The following ST8SIA1 variants were observed in gnomAD, a reference collection of about 807,000 sequenced individuals.
ST8SIA1 encodes the protein alpha-N-acetylneuraminide alpha-2,8-sialyltransferase.
In ST8SIA1, 16 loss-of-function variants were observed where a neutral mutation model predicts 35.9. The observed-to-expected ratio is 0.45, with a 90% CI of 0.30 to 0.68. The LOEUF (loss-of-function observed/expected upper bound fraction) is 0.68, where lower values mean the gene tolerates loss of function less well. ST8SIA1 is among the 30% of genes least tolerant of loss of function. ST8SIA1 has a pLI of 0.09. For missense variants in ST8SIA1, 383 were observed against 453.6 expected, an observed-to-expected ratio of 0.84 and a Z score of 1.41; for synonymous variants, 170 against 169.6, an observed-to-expected ratio of 1.00 and a Z score of -0.02.
chr12:22,263,948 G>A (rs1232848321), intron 2 of ST8SIA1, among the ~76,000 whole-genome samples: 2 of 152,166 alleles, frequency 1.3e-5, no homozygotes, highest in Non-Finnish European at 2.9e-5. Context: ...CAAAACATAT[G>A]TTTGCCCTTC....
intron 4 of ST8SIA1, among the ~76,000 whole-genome samples, chr12:22,234,618 A>G (rs984964974): frequency 2.0e-5 from 3 of 152,152 alleles, no homozygotes; most frequent in African/African-American, 7.2e-5. Flanking sequence ...TTCCATCTTT[A>G]TACACAATAG....
At chr12:22,252,122 T>C (rs1865678127) in intron 3 of ST8SIA1, among the ~76,000 whole-genome samples, 1 of 152,220 alleles carries the variant, frequency 6.6e-6, no homozygotes, top group African/African-American at 2.4e-5. Context: ...AAATTGATTT[T>C]CAGCACTAGA....
chr12:22,257,920 T>C (rs1323961108), intron 2 of ST8SIA1, among the ~76,000 whole-genome samples: 2 of 151,966 alleles, frequency 1.3e-5, no homozygotes, highest in South Asian at 2.1e-4. Context: ...GAACAGGCTG[T>C]AGAATGTCAT....
At chr12:22,307,014 A>T (rs1221516945) in intron 1 of ST8SIA1, among the ~76,000 whole-genome samples, 1 of 152,166 alleles carries the variant, frequency 6.6e-6, no homozygotes, top group Non-Finnish European at 1.5e-5. Context: ...TTGTGAAAGC[A>T]GTATATTTTC....
intron 4 of ST8SIA1, among the ~76,000 whole-genome samples, chr12:22,211,154 A>G (rs550207613): frequency 2.7e-3 from 407 of 152,320 alleles, no homozygotes; most frequent in Non-Finnish European, 4.4e-3. Context: ...AGAGGGAGAG[A>G]TGCATAGGGC....
intron 2 of ST8SIA1, among the ~76,000 whole-genome samples, chr12:22,274,950 T>C (rs1217177365): frequency 6.6e-6 from 1 of 152,238 alleles, no homozygotes; most frequent in Non-Finnish European, 1.5e-5. Flanking sequence ...ATAACAATGT[T>C]GACAATTCAG....
At chr12:22,308,482 C>A (rs373624426) in intron 1 of ST8SIA1, among the ~76,000 whole-genome samples, 4 of 152,158 alleles carry the variant, frequency 2.6e-5, no homozygotes, top group East Asian at 1.9e-4. Context: ...TTAACTAGAT[C>A]TTTAATTTTT....
chr12:22,205,442 A>C (rs1174660908), intron 4 of ST8SIA1, among the ~76,000 whole-genome samples: 1 of 152,194 alleles, frequency 6.6e-6, no homozygotes, highest in East Asian at 1.9e-4. Context: ...TGGAAAGGAC[A>C]AAAGTATAGC....
intron 4 of ST8SIA1, 84 bp from the exon 5 acceptor site, chr12:22,202,122 C>T: frequency 8.1e-7 from 1 of 1,240,430 alleles, no homozygotes; most frequent in Non-Finnish European, 1.1e-6. Context: ...TCTGGTGGCC[C>T]TGATACCTCA....
chr12:22,291,325 G>A (rs1026566143), intron 1 of ST8SIA1, among the ~76,000 whole-genome samples: 1 of 152,176 alleles, frequency 6.6e-6, no homozygotes, highest in African/African-American at 2.4e-5. Flanking sequence ...CAGGAAGAAG[G>A]TTGGGAGGCT....
chr12:22,221,665 G>A (rs952016646), intron 4 of ST8SIA1, among the ~76,000 whole-genome samples: 16 of 152,234 alleles, frequency 1.1e-4, no homozygotes, highest in African/African-American at 3.9e-4. Context: ...CAGAGGCTAA[G>A]TAAAAGCAGA....
rs552190913 is a variant in ST8SIA1, at chr12:22,220,760, C to T, written c.585-18722G>A. Among the ~76,000 whole-genome samples, 13 of 152,264 alleles carry T rather than the reference C, an allele frequency of 8.5e-5. 1 individual carries two copies. In the East Asian group the frequency reaches 1.7e-3, roughly 20 times the overall value. On this transcript the variant is annotated intron_variant, in intron 4 of 4. Transcript: ENST00000396037. The stretch of plus-strand genomic sequence containing the variant: ...AGGATCCTCACGGAAATAGTAGATC[C>T]TTATGCTGTCTCCAATGTGGTGAAG...
intron 1 of ST8SIA1, among the ~76,000 whole-genome samples, chr12:22,323,041 G>T (rs1866622738): frequency 6.6e-6 from 1 of 152,048 alleles, no homozygotes; most frequent in Admixed American, 6.6e-5. Flanking sequence ...TTTTTAAATG[G>T]AGATAAAACA....
At chr12:22,208,706 CTT>C (rs1865143143) in intron 4 of ST8SIA1, among the ~76,000 whole-genome samples, 1 of 152,030 alleles carries the variant, frequency 6.6e-6, no homozygotes, top group Admixed American at 6.6e-5. Flanking sequence ...ACAGAGAAAA[CTT>C]AACTTACCAA....
chr12:22,323,744 G>A (rs1317113668), intron 1 of ST8SIA1, among the ~76,000 whole-genome samples: 1 of 152,136 alleles, frequency 6.6e-6, no homozygotes, highest in Admixed American at 6.5e-5. Flanking sequence ...TCTCAGCAAA[G>A]TAACCCAGGA....
chr12:22,328,962 C>T (rs531270501), intron 1 of ST8SIA1, among the ~76,000 whole-genome samples: 1 of 152,164 alleles, frequency 6.6e-6, no homozygotes, highest in Non-Finnish European at 1.5e-5. Flanking sequence ...CACTATAATG[C>T]ACTGTCAAGA....
Position 22,198,806 on chromosome 12 carries a change from T to C in ST8SIA1, c.*2746A>G, listed in dbSNP as rs1865018593. The C allele has an allele frequency of 6.6e-6, 1 of 152,166 alleles. No individual in the cohort carries two copies. The highest frequency in any genetic ancestry group is 2.4e-5 in the African/African-American group (1 of 41,440). The allele number at this position is 152,166 out of a possible 1,614,324, so 9.4% of individuals were successfully genotyped here. On this transcript the variant is annotated 3_prime_UTR_variant, in exon 5 of 5. Transcript: ENST00000396037. ...CTACTGACATCTCAGCCTGGATAAT[T>C]ATTTTGCTGTGAGAGGCTGACTTGT... is the stretch of plus-strand genomic sequence containing the variant.
chr12:22,310,421 TC>T (rs1866435544), intron 1 of ST8SIA1, among the ~76,000 whole-genome samples: 1 of 152,034 alleles, frequency 6.6e-6, no homozygotes, highest in Admixed American at 6.6e-5. Flanking sequence ...AGTGGCAGGT[TC>T]CCCCTGTGAC....
intron 4 of ST8SIA1, among the ~76,000 whole-genome samples, chr12:22,245,209 G>C (rs999636450): frequency 1.1e-4 from 17 of 152,296 alleles, no homozygotes; most frequent in African/African-American, 4.1e-4. Flanking sequence ...TGAATCTGTA[G>C]ATAGATTTGG....
Sources: allele counts gnomAD v4.1 joint callset (sites outside exome capture counted in the v4.1 genomes callset), GRCh38; gene constraint gnomAD v4.1.1; transcripts MANE v1.5; gene names NCBI Gene and HGNC (gene_info 2026-07-23, HGNC 2026-07-21).